The following NALF1 variants were observed in gnomAD, a reference collection of about 807,000 sequenced individuals.
NALF1 encodes family with sequence similarity 155 member A.
NALF1 carries 3 observed loss-of-function variants against 48.4 expected under a neutral mutation model. The ratio of observed to expected loss-of-function variants is 0.06; its 90% confidence interval spans 0.03 to 0.16. The LOEUF (loss-of-function observed/expected upper bound fraction) is 0.16. Ranked by LOEUF, NALF1 falls within the 10% of genes least tolerant of loss-of-function variation. The probability of loss-of-function intolerance (pLI) is 1.00; values close to 1 mark genes in which losing one functional copy is unlikely to be tolerated. For missense variants in NALF1, 526 were observed against 571.5 expected, an observed-to-expected ratio of 0.92 and a Z score of 0.81; for synonymous variants, 262 against 245.7, an observed-to-expected ratio of 1.07 and a Z score of -0.62.
chr13:107,561,038 T>C (rs1877631133), intron 1 of NALF1, among the ~76,000 whole-genome samples: 1 of 152,212 alleles, frequency 6.6e-6, no homozygotes, highest in African/African-American at 2.4e-5. Flanking sequence ...GTGTTAAATG[T>C]TGAATGCCCT....
chr13:107,845,841 T>C (rs1880157474), intron 1 of NALF1, among the ~76,000 whole-genome samples: 1 of 152,162 alleles, frequency 6.6e-6, no homozygotes. Context: ...CCCAAAAGAA[T>C]GCCACTACTA....
chr13:107,183,878 GA>G (rs1420727417), intron 2 of NALF1, among the ~76,000 whole-genome samples: 31 of 152,136 alleles, frequency 2.0e-4, no homozygotes, highest in African/African-American at 7.2e-4. Flanking sequence ...AGCATTAGGA[GA>G]AATACCTAAT....
chr13:107,303,038 C>T (rs1319607209), intron 1 of NALF1, among the ~76,000 whole-genome samples: 2 of 152,162 alleles, frequency 1.3e-5, no homozygotes, highest in Non-Finnish European at 2.9e-5. Context: ...ATACTTGTCA[C>T]CTTCTATTTT....
intron 1 of NALF1, among the ~76,000 whole-genome samples, chr13:107,865,468 C>A (rs1880685224): frequency 6.6e-6 from 1 of 152,140 alleles, no homozygotes; most frequent in Admixed American, 6.5e-5. Context: ...CTTCCCTGAT[C>A]TTCCAAGGAC....
intron 1 of NALF1, among the ~76,000 whole-genome samples, chr13:107,267,812 C>G (rs1251384733): frequency 6.6e-6 from 1 of 152,076 alleles, no homozygotes; most frequent in African/African-American, 2.4e-5. Context: ...CCACACCAGT[C>G]GATCTGATAA....
At chr13:107,601,794 T>C (rs992331774) in intron 1 of NALF1, among the ~76,000 whole-genome samples, 1 of 151,880 alleles carries the variant, frequency 6.6e-6, no homozygotes, top group African/African-American at 2.4e-5. Flanking sequence ...AAGGTGGAAA[T>C]AGAGTATGTT....
intron 1 of NALF1, among the ~76,000 whole-genome samples, chr13:107,862,826 T>C (rs1213618575): frequency 6.6e-6 from 1 of 151,864 alleles, no homozygotes; most frequent in Non-Finnish European, 1.5e-5. Context: ...ATATGAAATG[T>C]AGCAGTTTTG....
intron 1 of NALF1, among the ~76,000 whole-genome samples, chr13:107,308,199 CTTTTTTTTTTTT>C (rs772161115): frequency 1.0e-5 from 1 of 98,168 alleles, no homozygotes; most frequent in African/African-American, 3.8e-5. Context: ...TGTGTCTATG[CTTTTTTTTTTTT>C]TTTTTTTTTA....
At chr13:107,817,534 G>C (rs1418335281) in intron 1 of NALF1, among the ~76,000 whole-genome samples, 2 of 152,132 alleles carry the variant, frequency 1.3e-5, no homozygotes, top group Non-Finnish European at 2.9e-5. Flanking sequence ...AATATCTTCT[G>C]TTTTCTCTCC....
At position 107,837,987 on chromosome 13, in the gene NALF1, T is replaced by C. The variant is rs558989968; in HGVS notation, c.915+27695A>G. ...GCTTCAGAAATGCACTATGGTTTTATATTTTTCTTAATTAGGTGCTCGAAA... is the reference window on the plus strand; with the variant it reads ...GCTTCAGAAATGCACTATGGTTTTACATTTTTCTTAATTAGGTGCTCGAAA... On this transcript the variant is annotated intron_variant, in intron 1 of 2. Coordinates refer to ENST00000375915, the MANE Select transcript of NALF1 (RefSeq NM_001080396.3). 2.0e-5 allele frequency among the ~76,000 whole-genome samples: 3 copies of C among 152,258 alleles called. No individual in the cohort carries two copies. In the South Asian group the frequency reaches 6.2e-4, roughly 32 times the overall value.
chr13:107,192,705 T>C (rs899426253), intron 2 of NALF1, among the ~76,000 whole-genome samples: 1 of 152,194 alleles, frequency 6.6e-6, no homozygotes, highest in African/African-American at 2.4e-5. Flanking sequence ...GTGGCTATCA[T>C]AACTAATATT....
At position 107,212,512 on chromosome 13, in the gene NALF1, C is replaced by T. The variant is rs916769190; in HGVS notation, c.916-1757G>A. Among the ~76,000 whole-genome samples the T allele has an allele frequency of 4.6e-5, 7 of 152,324 alleles. No individual in the cohort carries two copies. The East Asian group carries it at 1.4e-3, about 29-fold the overall frequency. On this transcript the variant is annotated intron_variant, in intron 1 of 2. Coordinates refer to ENST00000375915, the MANE Select transcript of NALF1 (RefSeq NM_001080396.3). ...TGTGCCCCAGGAGGACAGCAAGAGG[C>T]TGCCTCAGGGGGACAGGTGAAGGTG... is the stretch of plus-strand genomic sequence containing the variant.
intron 1 of NALF1, among the ~76,000 whole-genome samples, chr13:107,767,716 T>C (rs1877454351): frequency 6.6e-6 from 1 of 152,184 alleles, no homozygotes; most frequent in Non-Finnish European, 1.5e-5. Flanking sequence ...CTGGGAAAAT[T>C]ATCATGACAC....
intron 1 of NALF1, among the ~76,000 whole-genome samples, chr13:107,262,769 G>GCGCGCTCTCTCTCT (rs36027059): frequency 3.5e-5 from 5 of 144,122 alleles, no homozygotes; most frequent in East Asian, 4.2e-4. Context: ...ACCCACAGGC[G>GCGCGCTCTCTCTCT]CTCTCTCTCT....
chr13:107,315,901 T>TA (rs1392779268), intron 1 of NALF1, among the ~76,000 whole-genome samples: 21 of 149,836 alleles, frequency 1.4e-4, no homozygotes, highest in African/African-American at 3.2e-4. Flanking sequence ...ATATATATAT[T>TA]TATTTATTTA....
At chr13:107,175,754 G>A (rs1368429032) in intron 2 of NALF1, among the ~76,000 whole-genome samples, 4 of 152,160 alleles carry the variant, frequency 2.6e-5, no homozygotes, top group African/African-American at 7.2e-5. Context: ...TGGGGGCACA[G>A]ACTCCTCCAG....
At chr13:107,576,435 T>C (rs909715662) in intron 1 of NALF1, among the ~76,000 whole-genome samples, 2 of 152,186 alleles carry the variant, frequency 1.3e-5, no homozygotes, top group African/African-American at 2.4e-5. Flanking sequence ...CCCTACTACA[T>C]GTCAGGAACT....
chr13:107,341,702 TTATATATAGTATATATGGATAGAG>T (rs2138935351), intron 1 of NALF1, among the ~76,000 whole-genome samples: 1 of 151,406 alleles, frequency 6.6e-6, no homozygotes, highest in South Asian at 2.1e-4. Flanking sequence ...GATAGATACA[TTATATATAGTATATATGGATAGAG>T]TATATATTAC....
chr13:107,678,629 A>C (rs1024213979), intron 1 of NALF1, among the ~76,000 whole-genome samples: 2 of 152,210 alleles, frequency 1.3e-5, no homozygotes, highest in South Asian at 4.1e-4. Flanking sequence ...TAAAGGAAAG[A>C]GATTTCATTG....
Sources: gnomAD v4.1 joint callset for allele counts (sites outside exome capture counted in the v4.1 genomes callset) on GRCh38, gnomAD v4.1.1 for gene constraint, MANE v1.5 for transcripts, NCBI Gene and HGNC (gene_info 2026-07-23, HGNC 2026-07-21) for gene names.